The following EIF3L variants were observed in gnomAD, a reference collection of about 807,000 sequenced individuals.
EIF3L encodes eukaryotic translation initiation factor 3 subunit L.
EIF3L carries 32 observed loss-of-function variants against 74.6 expected under a neutral mutation model. The observed-to-expected ratio is 0.43, with a 90% CI of 0.32 to 0.58. The LOEUF is 0.58. Ranked by LOEUF, EIF3L falls within the 20% of genes least tolerant of loss-of-function variation. The probability of loss-of-function intolerance (pLI) is 0.06; values close to 1 mark genes in which losing one functional copy is unlikely to be tolerated. For synonymous variants in EIF3L, 256 were observed against 254.4 expected, an observed-to-expected ratio of 1.01 and a Z score of -0.06; for missense variants, 474 against 707.8, an observed-to-expected ratio of 0.67 and a Z score of 3.75.
At chr22:37,870,486 T>C in intron 8 of EIF3L, 139 bp downstream of exon 8, 1 of 814,038 alleles carries the variant, frequency 1.2e-6, no homozygotes, top group East Asian at 2.8e-5. Flanking sequence ...TGTAGGTGCT[T>C]GAGTACAAAC....
intron 3 of EIF3L, 25 bp from the exon 4 acceptor site, chr22:37,855,540 T>G: frequency 6.2e-7 from 1 of 1,609,322 alleles, no homozygotes; most frequent in Non-Finnish European, 8.5e-7. Flanking sequence ...TTTGGAATTT[T>G]AGAGATTTTT....
chr22:37,852,464 T>G (rs1310341654), intron 3 of EIF3L, among the ~76,000 whole-genome samples: 2 of 152,160 alleles, frequency 1.3e-5, no homozygotes, highest in East Asian at 3.8e-4. Flanking sequence ...TGCCGTTGTG[T>G]AATGAGCGTT....
chr22:37,849,519 G>A (rs1341079212), intron 1 of EIF3L, 37 bp downstream of exon 1: 2 of 1,566,696 alleles, frequency 1.3e-6, no homozygotes, highest in East Asian at 4.6e-5. Flanking sequence ...GCTCCACGAC[G>A]GGGTGATCTC....
intron 3 of EIF3L, among the ~76,000 whole-genome samples, chr22:37,853,227 T>C (rs566424972): frequency 8.0e-4 from 122 of 152,182 alleles, no homozygotes; most frequent in Non-Finnish European, 1.3e-3. Context: ...TCTGTACGGG[T>C]CGACAGCATC....
intron 10 of EIF3L, 61 bp downstream of exon 10, chr22:37,876,072 T>C (rs1347259369): frequency 6.5e-7 from 1 of 1,548,950 alleles, no homozygotes; most frequent in Non-Finnish European, 8.8e-7. Context: ...TTGGCACCTA[T>C]GCCAACCATT....
rs1463355352 is a variant in EIF3L, at chr22:37,851,491, G to T, written c.293+1G>T. 1.9e-6 allele frequency: 3 copies of T among 1,563,398 alleles called. No individual in the cohort carries two copies. Among genetic ancestry groups the T allele is most frequent in the Middle Eastern group, 1.7e-4 (1 of 5,818 alleles). On this transcript the variant is annotated splice_donor_variant, in intron 3 of 12. Transcript: ENST00000652021. LOFTEE classifies it high-confidence loss of function. ...AGATCCAGGACATCTATGAGAACAG[G>T]TATGGGCTACTGGCTGAAAGGGCCT...
intron 4 of EIF3L, among the ~76,000 whole-genome samples, chr22:37,857,548 T>A (rs529828457): frequency 6.6e-6 from 1 of 151,298 alleles, no homozygotes; most frequent in South Asian, 2.1e-4. Context: ...CTTTTTTTTT[T>A]CCCCCTAAGA....
At chr22:37,861,949 A>G (rs1925881035) in intron 5 of EIF3L, among the ~76,000 whole-genome samples, 1 of 152,188 alleles carries the variant, frequency 6.6e-6, no homozygotes, top group South Asian at 2.1e-4. Flanking sequence ...GCCCTTGGGA[A>G]GCAGTTTTTC....
intron 8 of EIF3L, among the ~76,000 whole-genome samples, chr22:37,871,949 A>G (rs1361268781): frequency 6.6e-6 from 1 of 151,842 alleles, no homozygotes. Context: ...AACACTTCTG[A>G]TCACAAGCAT....
At chr22:37,878,870 GT>G (rs1926897153) in intron 11 of EIF3L, 1 of 151,906 alleles carries the variant, frequency 6.6e-6, no homozygotes, top group Admixed American at 6.6e-5. Flanking sequence ...TAAATACGGT[GT>G]TCAGACAGGC....
intron 4 of EIF3L, 30 bp downstream of exon 4, chr22:37,855,674 C>T: frequency 6.3e-7 from 1 of 1,588,192 alleles, no homozygotes; most frequent in South Asian, 1.1e-5. Context: ...ATCTTGTGCA[C>T]TGAGTGGAAT....
At chr22:37,859,351 AAAT>A (rs1925714916) in intron 5 of EIF3L, among the ~76,000 whole-genome samples, 1 of 147,026 alleles carries the variant, frequency 6.8e-6, no homozygotes, top group Non-Finnish European at 1.5e-5. Context: ...CCCGACTTCT[AAAT>A]TATAGAGTAC....
Position 37,858,759 on chromosome 22 carries a change from C to A in EIF3L, c.435+19C>A. 1 of 1,584,094 alleles carries A rather than the reference C, an allele frequency of 6.3e-7. No individual in the cohort carries two copies. The highest frequency in any genetic ancestry group is 1.9e-5 in the Admixed American group (1 of 53,450). Reference sequence around the variant, plus strand: ...AGTCAGTGTAAGTATTTAAGTGTCGCAGTTTTTTTTTTGTTTTTGTTTTTT... The same window carrying A: ...AGTCAGTGTAAGTATTTAAGTGTCGAAGTTTTTTTTTTGTTTTTGTTTTTT... On this transcript the variant is annotated intron_variant, in intron 5 of 12. Transcript: ENST00000652021.
chr22:37,874,302 A>T (rs1926629670), intron 8 of EIF3L, 68 bp from the exon 9 acceptor site: 1 of 1,539,526 alleles, frequency 6.5e-7, no homozygotes, highest in Non-Finnish European at 8.8e-7. Flanking sequence ...ACTGAGTAAC[A>T]TTCAGAGGTC....
rs150413254 is a variant in EIF3L at position 37,858,537 on chromosome 22, T to C, written c.374-142T>C. The C allele has an allele frequency of 1.1e-4, 77 of 724,696 alleles. 1 individual carries two copies. The African/African-American group carries it at 1.2e-3, about 11-fold the overall frequency. 44.9% of individuals were successfully genotyped at this position (724,696 alleles called of 1,614,324 possible). ...ATGAGAAGTGGATTTTCTCATTGCA[T>C]GTATTCTTGGGGCATATGCATAGCA... On this transcript the variant is annotated intron_variant, in intron 4 of 12. Transcript: ENST00000652021.
intron 7 of EIF3L, among the ~76,000 whole-genome samples, chr22:37,865,999 C>T (rs1042079881): frequency 6.6e-6 from 1 of 152,168 alleles, no homozygotes; most frequent in African/African-American, 2.4e-5. Flanking sequence ...GTAGATGCCA[C>T]ATGGGGTAGG....
intron 5 of EIF3L, among the ~76,000 whole-genome samples, chr22:37,861,846 G>C (rs779983766): frequency 1.3e-5 from 2 of 152,132 alleles, no homozygotes; most frequent in Non-Finnish European, 2.9e-5. Context: ...TAATCTCTCT[G>C]TTTGGTCTGT....
At chr22:37,863,757 TC>T (rs1461885447) in intron 7 of EIF3L, among the ~76,000 whole-genome samples, 1 of 151,884 alleles carries the variant, frequency 6.6e-6, no homozygotes, top group African/African-American at 2.4e-5. Flanking sequence ...TGTTCTATTA[TC>T]TTTTTTTTTT....
At chr22:37,881,718 G>C (rs1927058550) in intron 11 of EIF3L, 1 of 152,018 alleles carries the variant, frequency 6.6e-6, no homozygotes, top group Admixed American at 6.6e-5. Context: ...CGTCAGCCCA[G>C]GTTTTCTAAG....
Sources: allele counts gnomAD v4.1 joint callset (sites outside exome capture counted in the v4.1 genomes callset), GRCh38; gene constraint gnomAD v4.1.1; transcripts MANE v1.5; gene names NCBI Gene and HGNC (gene_info 2026-07-23, HGNC 2026-07-21).